The following DDX31 variants were observed in gnomAD, a reference collection of about 807,000 sequenced individuals.
DDX31 encodes the protein ATP-dependent DNA helicase DDX31.
In DDX31, 70 loss-of-function variants were observed where a neutral mutation model predicts 91.3. That is an observed-to-expected ratio of 0.77 (90% CI 0.63 to 0.94). DDX31 has a LOEUF of 0.94. DDX31 is among the 40% of genes least tolerant of loss of function. The pLI is 0.00. For synonymous variants in DDX31, 362 were observed against 350.6 expected, an observed-to-expected ratio of 1.03 and a Z score of -0.36; for missense variants, 902 against 925.0, an observed-to-expected ratio of 0.98 and a Z score of 0.32.
intron 1 of DDX31, among the ~76,000 whole-genome samples, chr9:132,666,717 T>TG (rs1835335845): frequency 6.6e-6 from 1 of 151,068 alleles, no homozygotes; most frequent in South Asian, 2.1e-4. Context: ...TTTTTGTTTT[T>TG]TTTTTTTGAG....
rs968432223 is a variant in DDX31 at position 132,593,534 on chromosome 9, T to G, written c.*1332A>C. 6.6e-6 allele frequency: 1 copy of G among 152,222 alleles called. No individual in the cohort carries two copies. Among genetic ancestry groups the G allele is most frequent in the African/African-American group, 2.4e-5 (1 of 41,446 alleles). The allele number at this position is 152,222 out of a possible 1,614,324, so 9.4% of individuals were successfully genotyped here. A position where few individuals can be genotyped will look rare whatever the true frequency, so the allele number is the denominator to read the frequency against. On this transcript the variant is annotated 3_prime_UTR_variant, in exon 20 of 20. Transcript: ENST00000372159. ...CACCCACAGTCCCTGTTAATTTGTA[T>G]GTGACAGCCAACTCTGAGAAGGTCC...
chr9:132,597,063 G>A (rs1830471748), intron 19 of DDX31, among the ~76,000 whole-genome samples: 1 of 152,326 alleles, frequency 6.6e-6, no homozygotes, highest in Non-Finnish European at 1.5e-5. Context: ...CGCAGTCACA[G>A]TTAAACATTA....
chr9:132,610,548 T>A (rs1831265572), intron 19 of DDX31, among the ~76,000 whole-genome samples: 1 of 152,152 alleles, frequency 6.6e-6, no homozygotes, highest in South Asian at 2.1e-4. Flanking sequence ...TCAAGTTGGA[T>A]GTCCCCGAAT....
chr9:132,631,943 C>T, intron 15 of DDX31, 98 bp downstream of exon 15: 1 of 1,125,108 alleles, frequency 8.9e-7, no homozygotes, highest in Non-Finnish European at 1.3e-6. Context: ...GGGCAACACC[C>T]AAGAGGATAA....
At chr9:132,622,466 T>C (rs1404292059) in intron 17 of DDX31, among the ~76,000 whole-genome samples, 1 of 152,180 alleles carries the variant, frequency 6.6e-6, no homozygotes, top group Non-Finnish European at 1.5e-5. Flanking sequence ...ATGCAGCTGC[T>C]CCGCTCCTTC....
intron 17 of DDX31, among the ~76,000 whole-genome samples, chr9:132,618,896 T>A (rs1831814611): frequency 6.6e-6 from 1 of 152,252 alleles, no homozygotes; most frequent in Admixed American, 6.5e-5. Flanking sequence ...CCTAACATTC[T>A]GCTTTTAAAA....
At chr9:132,606,720 C>G (rs866484644) in intron 19 of DDX31, among the ~76,000 whole-genome samples, 1 of 152,082 alleles carries the variant, frequency 6.6e-6, no homozygotes, top group Admixed American at 6.5e-5. Flanking sequence ...GTAAGTGGCC[C>G]GGCCAGGATT....
intron 19 of DDX31, among the ~76,000 whole-genome samples, chr9:132,609,890 G>T (rs1292168884): frequency 6.6e-6 from 1 of 152,136 alleles, no homozygotes; most frequent in Non-Finnish European, 1.5e-5. Flanking sequence ...AAAGTGCTAG[G>T]ATTATAAGAG....
At chr9:132,650,787 C>G (rs1834134634) in intron 8 of DDX31, among the ~76,000 whole-genome samples, 1 of 152,230 alleles carries the variant, frequency 6.6e-6, no homozygotes, top group Admixed American at 6.5e-5. Context: ...TTGCTTTCTA[C>G]TGGATCACCA....
chr9:132,598,881 T>C (rs1830582003), intron 19 of DDX31, among the ~76,000 whole-genome samples: 1 of 152,230 alleles, frequency 6.6e-6, no homozygotes, highest in African/African-American at 2.4e-5. Context: ...CTAAGTTTTA[T>C]TTTGATTAAT....
In DDX31 at chr9:132,618,423, G is replaced by A. The variant is rs143693078; in HGVS notation, c.1732C>T (p.Pro578Ser). The change falls in exon 18 of 20, where the codon CCC becomes TCC. Residue 578 changes from proline to serine, a missense_variant. Pro to Ser is a moderately conservative substitution (Grantham distance 74). Coordinates refer to ENST00000372159, the MANE Select transcript of DDX31 (RefSeq NM_022779.9). ...WGAQKSHAVG[P>S]QEIRERATVL... ...GTGGCTCGCTCTCGGATTTCCTGGG[G>A]GCCAACAGCATGGGATTTCTGAGAG... 9.3e-4 allele frequency: 1,493 copies of A among 1,611,328 alleles called. 5 individuals carry two copies. The highest frequency in any genetic ancestry group is 1.2e-3 in the Non-Finnish European group (1,393 of 1,178,862).
intron 12 of DDX31, 107 bp downstream of exon 12, chr9:132,646,716 G>A (rs1833861156): frequency 1.9e-6 from 2 of 1,056,320 alleles, no homozygotes; most frequent in African/African-American, 3.2e-5. Flanking sequence ...GACATAAGTT[G>A]GAAAACCTCT....
rs767186026 is a variant in DDX31, at chr9:132,648,320, A to G, written c.861-25T>C. ...TCTGTGATTGTAAAAAAAAAAAGAA[A>G]TTTTCAACTATATGAAGAGCAGATG... On this transcript the variant is annotated intron_variant, in intron 10 of 19. Coordinates refer to ENST00000372159, the MANE Select transcript of DDX31 (RefSeq NM_022779.9). The G allele has an allele frequency of 8.7e-6, 14 of 1,604,280 alleles. No individual in the cohort carries two copies. The South Asian group carries it at 1.5e-4, about 17-fold the overall frequency.
rs772255493 is a variant in DDX31 at position 132,612,304 on chromosome 9, A to G, written c.1826-49T>C. The G allele has an allele frequency of 7.5e-6, 12 of 1,610,152 alleles. No individual in the cohort carries two copies. The South Asian group carries it at 1.2e-4, about 16-fold the overall frequency. The stretch of plus-strand genomic sequence containing the variant: ...GGAAGCTGTCAGGACCGGGGTCTCC[A>G]AGCTCCAAAGTGCCCGGCCTAATGG... On this transcript the variant is annotated intron_variant, in intron 18 of 19. Transcript: ENST00000372159.
Position 132,636,236 on chromosome 9 carries a change from G to A in DDX31, c.1441-4145C>T, listed in dbSNP as rs556439103. ...CAGGCTCTGGAAGCTGAAGGCTGAT[G>A]TTGCAGAGCTGATGCCTTTGAGAAC... On this transcript the variant is annotated intron_variant, in intron 14 of 19. Coordinates refer to ENST00000372159, the MANE Select transcript of DDX31 (RefSeq NM_022779.9). Among the ~76,000 whole-genome samples the A allele has an allele frequency of 2.3e-4, 35 of 152,366 alleles. 1 individual carries two copies. The highest frequency in any genetic ancestry group is 2.2e-3 in the Admixed American group (33 of 15,312).
At chr9:132,628,825 G>GT (rs1832553280) in intron 16 of DDX31, among the ~76,000 whole-genome samples, 1 of 152,248 alleles carries the variant, frequency 6.6e-6, no homozygotes, top group African/African-American at 2.4e-5. Context: ...CTGTTATGGT[G>GT]TGGTGACTAC....
chr9:132,636,690 T>C (rs1287915683), intron 14 of DDX31, among the ~76,000 whole-genome samples: 1 of 152,224 alleles, frequency 6.6e-6, no homozygotes, highest in African/African-American at 2.4e-5. Context: ...CTCCCACTAA[T>C]GCGTGTGTTG....
chr9:132,612,939 G>A (rs547179860), intron 18 of DDX31, among the ~76,000 whole-genome samples: 3 of 152,278 alleles, frequency 2.0e-5, no homozygotes, highest in African/African-American at 7.2e-5. Flanking sequence ...AAGAGATGGG[G>A]TCTCACTATG....
intron 19 of DDX31, among the ~76,000 whole-genome samples, chr9:132,611,153 G>C (rs908520441): frequency 6.6e-6 from 1 of 152,148 alleles, no homozygotes; most frequent in Non-Finnish European, 1.5e-5. Flanking sequence ...GTCAGTGGGG[G>C]AGCCTGCGGC....
Sources: allele counts gnomAD v4.1 joint callset (sites outside exome capture counted in the v4.1 genomes callset), GRCh38; gene constraint gnomAD v4.1.1; transcripts MANE v1.5; gene names NCBI Gene and HGNC (gene_info 2026-07-23, HGNC 2026-07-21).